Variants in CDH4 observed in about 807,000 individuals in gnomAD.
CDH4 encodes the protein cadherin-4.
Under a neutral mutation model 86.0 loss-of-function variants are expected in CDH4, and 33 were observed. That is an observed-to-expected ratio of 0.38 (90% CI 0.29 to 0.51). The LOEUF (loss-of-function observed/expected upper bound fraction) is 0.51, where lower values mean the gene tolerates loss of function less well. Among genes scored for constraint, CDH4 ranks in the 20% least tolerant of loss-of-function variants. The pLI is 0.86. For missense variants in CDH4, 1,114 were observed against 1,307.4 expected, an observed-to-expected ratio of 0.85 and a Z score of 2.28; for synonymous variants, 555 against 549.4, an observed-to-expected ratio of 1.01 and a Z score of -0.14.
intron 2 of CDH4, among the ~76,000 whole-genome samples, chr20:61,673,477 C>G (rs559377307): frequency 6.6e-6 from 1 of 152,348 alleles, no homozygotes; most frequent in Admixed American, 6.5e-5. Context: ...TCCTAGCAAG[C>G]AAGGAGGCAG....
At chr20:61,515,285 C>A (rs113569965) in intron 2 of CDH4, among the ~76,000 whole-genome samples, 1 of 152,208 alleles carries the variant, frequency 6.6e-6, no homozygotes, top group African/African-American at 2.4e-5. Context: ...TGGGAACCTG[C>A]GGTGAGCATA....
intron 2 of CDH4, among the ~76,000 whole-genome samples, chr20:61,610,375 A>G: frequency 6.6e-6 from 1 of 152,246 alleles, no homozygotes; most frequent in East Asian, 1.9e-4. Context: ...TACATGAACT[A>G]CATTGTCTTT....
rs188514235 is a variant in CDH4, at chr20:61,582,125, C to T, written c.170-161438C>T. On this transcript the variant is annotated intron_variant, in intron 2 of 15. Transcript: ENST00000614565. This position sits in a 1 kb window ranked among gnomAD's most constrained non-coding sequence, Gnocchi z 4.2. Reference sequence around the variant, plus strand: ...TCGTGGCCATCATTACCATTGGCGGCATGCTGCCCATGCCTTGTGTGTGCA... The same window carrying T: ...TCGTGGCCATCATTACCATTGGCGGTATGCTGCCCATGCCTTGTGTGTGCA... Among the ~76,000 whole-genome samples, 230 of 152,360 alleles carry T rather than the reference C, an allele frequency of 1.5e-3. 1 individual carries two copies. Among genetic ancestry groups the T allele is most frequent in the African/African-American group, 3.3e-3 (136 of 41,590 alleles).
At chr20:61,878,076 G>A (rs1293865065) in intron 7 of CDH4, among the ~76,000 whole-genome samples, 1 of 152,084 alleles carries the variant, frequency 6.6e-6, no homozygotes, top group Non-Finnish European at 1.5e-5. Flanking sequence ...GCCTGCGTGA[G>A]TGGCCAGGAG....
chr20:61,810,044 AG>A lies in CDH4; in HGVS notation c.577-34623del. On this transcript the variant is annotated intron_variant, in intron 4 of 15. Coordinates refer to ENST00000614565, the MANE Select transcript of CDH4 (RefSeq NM_001794.5). This position sits in a 1 kb window ranked among gnomAD's most constrained non-coding sequence, Gnocchi z 4.3. Reference sequence around the variant, plus strand: ...GCATAACAACCACCCATAAAACCTCAGTGACATCCAACCACAAGTGTGTTTC... The same window carrying A: ...GCATAACAACCACCCATAAAACCTCATGACATCCAACCACAAGTGTGTTTC... 6.6e-6 allele frequency among the ~76,000 whole-genome samples: 1 copy of A among 152,278 alleles called. No individual in the cohort carries two copies. Among genetic ancestry groups the A allele is most frequent in the Middle Eastern group, 3.4e-3 (1 of 294 alleles).
At chr20:61,522,537 C>T (rs1444872473) in intron 2 of CDH4, among the ~76,000 whole-genome samples, 2 of 152,218 alleles carry the variant, frequency 1.3e-5, no homozygotes, top group Non-Finnish European at 2.9e-5. Flanking sequence ...ATAAATCTGC[C>T]ACGTACACAG....
intron 2 of CDH4, among the ~76,000 whole-genome samples, chr20:61,341,172 T>C (rs12106008): frequency 0.41 from 61,972 of 152,062 alleles, 12,920 homozygotes; most frequent in East Asian, 0.53. Flanking sequence ...AAGATGTGAG[T>C]GCTGTTGCAG....
intron 2 of CDH4, among the ~76,000 whole-genome samples, chr20:61,513,324 G>A (rs548622382): frequency 7.2e-5 from 11 of 152,318 alleles, no homozygotes; most frequent in African/African-American, 2.2e-4. Context: ...CTGCAAGCTG[G>A]CCAGCACGAC....
intron 2 of CDH4, among the ~76,000 whole-genome samples, chr20:61,475,816 C>T (rs1820206621): frequency 6.6e-6 from 1 of 151,168 alleles, no homozygotes; most frequent in Non-Finnish European, 1.5e-5. Flanking sequence ...TCACGAACTA[C>T]AAATGAACAC....
chr20:61,602,592 G>A (rs915387839), intron 2 of CDH4, among the ~76,000 whole-genome samples: 4 of 151,532 alleles, frequency 2.6e-5, no homozygotes, highest in African/African-American at 9.7e-5. Flanking sequence ...GCTGGAAGGA[G>A]GAGCAGAGGG....
At chr20:61,566,731 G>C (rs2086300762) in intron 2 of CDH4, among the ~76,000 whole-genome samples, 1 of 152,152 alleles carries the variant, frequency 6.6e-6, no homozygotes, top group Non-Finnish European at 1.5e-5. Context: ...TGAGAGGCCG[G>C]AAAGATTGGA....
At chr20:61,265,516 G>A (rs1297947781) in intron 2 of CDH4, among the ~76,000 whole-genome samples, 1 of 151,802 alleles carries the variant, frequency 6.6e-6, no homozygotes, top group Non-Finnish European at 1.5e-5. Context: ...ACATATCTCA[G>A]TGGTTCCTTC....
chr20:61,428,348 G>T (rs1348349700), intron 2 of CDH4, among the ~76,000 whole-genome samples: 1 of 152,114 alleles, frequency 6.6e-6, no homozygotes, highest in Non-Finnish European at 1.5e-5. Context: ...TCTACTCATG[G>T]ATGTCTCCCT....
At chr20:61,364,856 G>A (rs977092612) in intron 2 of CDH4, among the ~76,000 whole-genome samples, 8 of 152,212 alleles carry the variant, frequency 5.3e-5, no homozygotes, top group East Asian at 3.9e-4. Context: ...GGCCCCCGAC[G>A]AGCAGTGGTG....
At position 61,437,813 on chromosome 20, in the gene CDH4, G is replaced by A. The variant is rs574504434; in HGVS notation, c.169+182876G>A. 9.2e-5 allele frequency among the ~76,000 whole-genome samples: 14 copies of A among 152,310 alleles called. No homozygotes were observed. The East Asian group carries it at 2.7e-3, about 29-fold the overall frequency. On this transcript the variant is annotated intron_variant, in intron 2 of 15. Transcript: ENST00000614565. ...GTTGACACACTCCACACGACGGTTAGGAAAATTCCATGGGGCCTCCAGATG... is the reference window on the plus strand; with the variant it reads ...GTTGACACACTCCACACGACGGTTAAGAAAATTCCATGGGGCCTCCAGATG...
chr20:61,726,151 C>G (rs2088108478), intron 2 of CDH4, among the ~76,000 whole-genome samples: 1 of 152,042 alleles, frequency 6.6e-6, no homozygotes, highest in Non-Finnish European at 1.5e-5. Flanking sequence ...GGTGAACCCT[C>G]TCCACTCCTG....
intron 2 of CDH4, among the ~76,000 whole-genome samples, chr20:61,610,584 G>C (rs2427182): frequency 0.98 from 149,779 of 152,234 alleles, 73,696 homozygotes; most frequent in East Asian, 1. Context: ...GTGCTGTTCT[G>C]GAGGCGGTGG....
rs1432377660 is a variant in CDH4 at position 61,754,226 on chromosome 20, C to G, written c.396+10437C>G. Among the ~76,000 whole-genome samples the G allele has an allele frequency of 2.0e-5, 3 of 152,192 alleles. No individual in the cohort carries two copies. The highest frequency in any genetic ancestry group is 4.4e-5 in the Non-Finnish European group (3 of 68,036). On this transcript the variant is annotated intron_variant, in intron 3 of 15. Transcript: ENST00000614565. This position sits in a 1 kb window ranked among gnomAD's most constrained non-coding sequence, Gnocchi z 4.7. ...CTGTTAAGGGAATAAATCTCTGTCT[C>G]AGCCCACTGGCTTGTGGACCAGAGC...
chr20:61,851,105 G>A (rs930302351), intron 5 of CDH4, among the ~76,000 whole-genome samples: 1 of 152,222 alleles, frequency 6.6e-6, no homozygotes, highest in Admixed American at 6.5e-5. Flanking sequence ...GTCTGCCCGC[G>A]ACGGGGCGGG....
Sources: allele counts gnomAD v4.1 joint callset (sites outside exome capture counted in the v4.1 genomes callset), GRCh38; gene constraint gnomAD v4.1.1; non-coding constraint Gnocchi (gnomAD v3.1); transcripts MANE v1.5; gene names NCBI Gene and HGNC (gene_info 2026-07-23, HGNC 2026-07-21).